FMN2: variants seen among roughly 807,000 people sequenced by gnomAD.
FMN2 encodes the protein formin-2.
FMN2 carries 51 observed loss-of-function variants against 142.3 expected under a neutral mutation model. That is an observed-to-expected ratio of 0.36 (90% CI 0.29 to 0.45). The LOEUF (loss-of-function observed/expected upper bound fraction) is 0.45. Among genes scored for constraint, FMN2 ranks in the 20% least tolerant of loss-of-function variants. FMN2 has a pLI of 1.00. For synonymous variants in FMN2, 882 were observed against 869.8 expected, an observed-to-expected ratio of 1.01 and a Z score of -0.25; for missense variants, 1,936 against 2,122.8, an observed-to-expected ratio of 0.91 and a Z score of 1.73.
intron 16 of FMN2, among the ~76,000 whole-genome samples, chr1:240,469,870 C>T (rs1022598024): frequency 6.6e-6 from 1 of 152,108 alleles, no homozygotes; most frequent in African/African-American, 2.4e-5. Flanking sequence ...TAGTGCTGGA[C>T]CTCGAGCTAA....
intron 2 of FMN2, chr1:240,170,683 C>A: frequency 1.3e-6 from 2 of 1,572,096 alleles, no homozygotes; most frequent in Non-Finnish European, 1.8e-6. Context: ...AGTCTGCCTT[C>A]TAGGTTGTGG....
intron 1 of FMN2, among the ~76,000 whole-genome samples, chr1:240,097,221 A>C (rs941180733): frequency 6.6e-6 from 1 of 152,172 alleles, no homozygotes; most frequent in Admixed American, 6.5e-5. Context: ...GTTACATCTT[A>C]TAAAAACATT....
chr1:240,206,214 T>G (rs1318942616), intron 4 of FMN2, among the ~76,000 whole-genome samples: 1 of 152,188 alleles, frequency 6.6e-6, no homozygotes, highest in Non-Finnish European at 1.5e-5. Context: ...ATCAGCCGTC[T>G]TTATAAATTG....
intron 16 of FMN2, among the ~76,000 whole-genome samples, chr1:240,452,314 A>G (rs905554788): frequency 2.6e-5 from 4 of 152,236 alleles, no homozygotes; most frequent in Admixed American, 2.0e-4. Context: ...GAAAGTTGAC[A>G]GGCAAGAATC....
chr1:240,226,137 A>G (rs1299795593), intron 6 of FMN2, among the ~76,000 whole-genome samples: 1 of 152,220 alleles, frequency 6.6e-6, no homozygotes, highest in Non-Finnish European at 1.5e-5. Context: ...AATTGAATGT[A>G]TGTGGCTGAA....
intron 16 of FMN2, among the ~76,000 whole-genome samples, chr1:240,447,070 G>A (rs1454599342): frequency 3.9e-5 from 6 of 152,186 alleles, no homozygotes; most frequent in African/African-American, 1.2e-4. Flanking sequence ...CGATCCCTAC[G>A]GCAGGGTTGA....
intron 13 of FMN2, among the ~76,000 whole-genome samples, chr1:240,339,162 G>A (rs529432235): frequency 3.3e-5 from 5 of 152,214 alleles, no homozygotes; most frequent in Admixed American, 1.3e-4. Flanking sequence ...CTAACAGGCC[G>A]CAGACCAGCA....
chr1:240,171,849 T>C (rs765429028), intron 2 of FMN2, among the ~76,000 whole-genome samples: 1 of 151,954 alleles, frequency 6.6e-6, no homozygotes, highest in Non-Finnish European at 1.5e-5. Flanking sequence ...TTACGCCACT[T>C]TTAGGTTGTG....
chr1:240,366,753 G>A (rs139371852), intron 14 of FMN2, among the ~76,000 whole-genome samples: 6,525 of 152,010 alleles, frequency 0.043, 472 homozygotes, highest in African/African-American at 0.15. Context: ...GTTTCTCCAC[G>A]TTGGTCAGGC....
chr1:240,235,075 T>C (rs1667657749), intron 6 of FMN2, among the ~76,000 whole-genome samples: 1 of 152,228 alleles, frequency 6.6e-6, no homozygotes, highest in Admixed American at 6.5e-5. Context: ...TGACTCATAC[T>C]AAAGAGTAAT....
At chr1:240,169,484 G>C (rs1192575663) in intron 2 of FMN2, among the ~76,000 whole-genome samples, 1 of 152,132 alleles carries the variant, frequency 6.6e-6, no homozygotes, top group Non-Finnish European at 1.5e-5. Flanking sequence ...TTTTGTTTTT[G>C]AGACGGTTTC....
intron 2 of FMN2, among the ~76,000 whole-genome samples, chr1:240,140,664 G>A (rs970850439): frequency 1.2e-4 from 19 of 152,062 alleles, no homozygotes; most frequent in Non-Finnish European, 2.5e-4. Flanking sequence ...TAAATTCTGT[G>A]GGGGGTGGGT....
chr1:240,159,903 G>GTA (rs1664191233), intron 2 of FMN2, among the ~76,000 whole-genome samples: 1 of 76,330 alleles, frequency 1.3e-5, no homozygotes, highest in Admixed American at 1.4e-4. Context: ...ATATATATCT[G>GTA]TGTATATATA....
intron 16 of FMN2, among the ~76,000 whole-genome samples, chr1:240,450,365 T>G (rs774666449): frequency 3.3e-5 from 5 of 152,210 alleles, no homozygotes; most frequent in Non-Finnish European, 7.3e-5. Context: ...TCATTTCATT[T>G]CATTCTATTT....
intron 1 of FMN2, among the ~76,000 whole-genome samples, chr1:240,122,332 C>T (rs1435196997): frequency 2.6e-5 from 4 of 152,002 alleles, no homozygotes; most frequent in African/African-American, 4.8e-5. Context: ...GGTGCGATCT[C>T]GGCTCACTGC....
chr1:240,364,575 T>G (rs1303327641), intron 14 of FMN2, among the ~76,000 whole-genome samples: 1 of 152,122 alleles, frequency 6.6e-6, no homozygotes, highest in African/African-American at 2.4e-5. Context: ...TATCACCACT[T>G]CTCTCTGAGG....
At chr1:240,330,317 C>A (rs1671333407) in intron 10 of FMN2, among the ~76,000 whole-genome samples, 1 of 152,128 alleles carries the variant, frequency 6.6e-6, no homozygotes, top group Non-Finnish European at 1.5e-5. Context: ...CCCATATAGC[C>A]TTAATAGTTC....
chr1:240,394,275 G>C (rs955705568), intron 15 of FMN2, among the ~76,000 whole-genome samples: 2 of 152,188 alleles, frequency 1.3e-5, no homozygotes, highest in Admixed American at 6.5e-5. Context: ...GACCAGAAGG[G>C]TCAGTTTCTA....
rs1053617539 is a variant in FMN2 at position 240,140,577 on chromosome 1, A to G, written c.1782+17232A>G. Among the ~76,000 whole-genome samples the G allele has an allele frequency of 2.0e-5, 3 of 148,638 alleles. No individual in the cohort carries two copies. In the East Asian group the frequency reaches 6.0e-4, roughly 30 times the overall value. The stretch of plus-strand genomic sequence containing the variant: ...GGGGCCTGCTGTTTTCCTGAGAGTG[A>G]CTTCTCTTTCTGTGCTTTGTAATTT... On this transcript the variant is annotated intron_variant, in intron 2 of 17. Coordinates refer to ENST00000319653, the MANE Select transcript of FMN2 (RefSeq NM_020066.5).
Sources: allele counts gnomAD v4.1 joint callset (sites outside exome capture counted in the v4.1 genomes callset), GRCh38; gene constraint gnomAD v4.1.1; transcripts MANE v1.5; gene names NCBI Gene and HGNC (gene_info 2026-07-23, HGNC 2026-07-21).